The following ARHGEF26 variants were observed in gnomAD, a reference collection of about 807,000 sequenced individuals.
ARHGEF26 encodes Rho guanine nucleotide exchange factor (GEF) 26.
A neutral mutation model predicts 89.4 loss-of-function variants in ARHGEF26; 59 were observed. That is an observed-to-expected ratio of 0.66 (90% CI 0.54 to 0.82). ARHGEF26 has a LOEUF of 0.82. Among genes scored for constraint, ARHGEF26 ranks in the 40% least tolerant of loss-of-function variants. The pLI, the probability that ARHGEF26 is intolerant of heterozygous loss-of-function variation, is 0.00. For synonymous variants in ARHGEF26, 500 were observed against 428.4 expected (o/e 1.17, Z -2.06); for missense variants, 1,234 against 1,085.6 (o/e 1.14, Z -1.92).
intron 3 of ARHGEF26, 67 bp from the exon 4 acceptor site, chr3:154,129,507 T>C (rs1718545210): frequency 6.5e-7 from 1 of 1,531,588 alleles, no homozygotes; most frequent in Non-Finnish European, 8.8e-7. Context: ...ACATATGATG[T>C]TTATTTAGAA....
At chr3:154,213,064 A>G (rs1344046842) in intron 9 of ARHGEF26, among the ~76,000 whole-genome samples, 2 of 152,162 alleles carry the variant, frequency 1.3e-5, no homozygotes, top group African/African-American at 2.4e-5. Flanking sequence ...AGAAAAGTTC[A>G]TGTCCACATC....
intron 6 of ARHGEF26, among the ~76,000 whole-genome samples, chr3:154,176,550 C>T (rs182168281): frequency 9.2e-5 from 14 of 152,204 alleles, no homozygotes; most frequent in East Asian, 7.7e-4. Context: ...TTCGCAATGA[C>T]GCTGCTTCAC....
In ARHGEF26 at chr3:154,127,923, G is replaced by A. The variant is rs74818678; in HGVS notation, c.1124-1651G>A. 6.5e-3 allele frequency among the ~76,000 whole-genome samples: 990 copies of A among 152,196 alleles called. 9 individuals are homozygous for A. The highest frequency in any genetic ancestry group is 0.023 in the African/African-American group (944 of 41,524). ...ATTGATCAAAACAATATTATGCAATGCGTGACTGTATTATGTTTCCTCTTA... is the reference window on the plus strand; with the variant it reads ...ATTGATCAAAACAATATTATGCAATACGTGACTGTATTATGTTTCCTCTTA... On this transcript the variant is annotated intron_variant, in intron 3 of 14. Transcript: ENST00000465093.
chr3:154,182,024 G>A (rs1434932840), intron 6 of ARHGEF26, among the ~76,000 whole-genome samples: 1 of 151,268 alleles, frequency 6.6e-6, no homozygotes, highest in African/African-American at 2.4e-5. Context: ...AGTCTGGGTG[G>A]GTGGGTGGTT....
At chr3:154,210,245 T>C (rs990088241) in intron 9 of ARHGEF26, among the ~76,000 whole-genome samples, 4 of 152,116 alleles carry the variant, frequency 2.6e-5, no homozygotes, top group Admixed American at 2.0e-4. Flanking sequence ...TACCTTCCTG[T>C]GACCATGCTG....
chr3:154,225,738 C>A (rs897949848), intron 10 of ARHGEF26, 118 bp from the exon 11 acceptor site: 2 of 1,090,804 alleles, frequency 1.8e-6, no homozygotes, highest in African/African-American at 1.6e-5. Context: ...GCCTATAAAA[C>A]AATGATGCAT....
chr3:154,255,691 G>A lies in ARHGEF26; in HGVS notation c.*218G>A. The A allele has an allele frequency of 7.3e-7, 1 of 1,370,904 alleles. No homozygotes were observed. The highest frequency in any genetic ancestry group is 9.4e-7 in the Non-Finnish European group (1 of 1,068,162). 84.9% of individuals were successfully genotyped at this position (1,370,904 alleles called of 1,614,324 possible). A position where few individuals can be genotyped will look rare whatever the true frequency, so the allele number is the denominator to read the frequency against. On this transcript the variant is annotated 3_prime_UTR_variant, in exon 15 of 15. Coordinates refer to ENST00000465093, the MANE Select transcript of ARHGEF26 (RefSeq NM_015595.4). ...GTTTTTACCTAACCACACACTTGCA[G>A]ACCTCCTGAGGTACACAGAATAGCT...
At position 154,191,294 on chromosome 3, in the gene ARHGEF26, C is replaced by A. The variant is rs1713939252; in HGVS notation, c.1646C>A (p.Thr549Asn). ...TTTTCTTTGTTTTCCCTCAGAGCTA[C>A]CAATCCATCCTTTAAGGAAGTATTG... ...QQRTLQKLLATNPSFKEVLSR... is the reference protein window; with the variant it reads ...QQRTLQKLLANNPSFKEVLSR... The change falls in exon 8 of 15, where the codon ACC becomes AAC. Residue 549 changes from threonine to asparagine, a missense_variant. By Grantham distance (65) the Thr-to-Asn change is moderately conservative. Coordinates refer to ENST00000465093, the MANE Select transcript of ARHGEF26 (RefSeq NM_015595.4). 6.2e-7 allele frequency: 1 copy of A among 1,609,708 alleles called. No homozygotes were observed. Among genetic ancestry groups the A allele is most frequent in the Non-Finnish European group, 8.5e-7 (1 of 1,178,056 alleles).
chr3:154,255,434 G>C lies in ARHGEF26; in HGVS notation c.2577G>C (p.Glu859Asp). Residue 859 changes from glutamate (E) to aspartate (D), a missense_variant, in exon 15 of 15, where the codon GAG becomes GAC. Physicochemically the swap from Glu to Asp is conservative, Grantham distance 45. Transcript: ENST00000465093. ...TCQATIDKNV[E>D]RMGRLLGLET... Reference sequence around the variant, plus strand: ...AAGCTACAATTGATAAGAATGTGGAGAGAATGGGACGCTTGCTAGGACTGG... The same window carrying C: ...AAGCTACAATTGATAAGAATGTGGACAGAATGGGACGCTTGCTAGGACTGG... 9 of 1,613,886 alleles carry C rather than the reference G, an allele frequency of 5.6e-6. 1 individual carries two copies. The highest frequency in any genetic ancestry group is 2.2e-5 in the South Asian group (2 of 91,074).
intron 3 of ARHGEF26, among the ~76,000 whole-genome samples, chr3:154,128,222 C>T (rs1313876647): frequency 1.3e-5 from 2 of 152,098 alleles, no homozygotes; most frequent in Non-Finnish European, 2.9e-5. Flanking sequence ...CATGATCAGC[C>T]CTCTGGTCAC....
chr3:154,256,538 T>C lies in ARHGEF26; in HGVS notation c.*1065T>C, dbSNP rs1056468700. On this transcript the variant is annotated 3_prime_UTR_variant, in exon 15 of 15. Transcript: ENST00000465093. ...ATGAGCCACCGTGCCCAGCCTACTTTCTAATTAATTAAAAAAAAAAAAAAA... is the reference window on the plus strand; with the variant it reads ...ATGAGCCACCGTGCCCAGCCTACTTCCTAATTAATTAAAAAAAAAAAAAAA... 1.1e-6 allele frequency: 1 copy of C among 950,730 alleles called. No individual in the cohort carries two copies. The highest frequency in any genetic ancestry group is 1.2e-6 in the Non-Finnish European group (1 of 811,674). 58.9% of individuals were successfully genotyped at this position (950,730 alleles called of 1,614,324 possible). A position where few individuals can be genotyped will look rare whatever the true frequency, so the allele number is the denominator to read the frequency against.
chr3:154,194,699 C>T lies in ARHGEF26; in HGVS notation c.1826C>T (p.Ala609Val), dbSNP rs749851646. 3.7e-6 allele frequency: 6 copies of T among 1,612,604 alleles called. No individual in the cohort carries two copies. The highest frequency in any genetic ancestry group is 3.3e-5 in the South Asian group (3 of 90,636). Residue 609 changes from alanine to valine, a missense_variant, in exon 9 of 15, where the codon GCC becomes GTC. By Grantham distance (64) the Ala-to-Val change is moderately conservative (BLOSUM62 0). Coordinates refer to ENST00000465093, the MANE Select transcript of ARHGEF26 (RefSeq NM_015595.4). ...DSPKYEVCKR[A>V]LKEVSKLVRL... ...CCGAAGTATGAAGTCTGCAAAAGAG[C>T]CTTGAAGGAAGTTAGCAAGGTAACT...
At chr3:154,196,120 A>G (rs536919614) in intron 9 of ARHGEF26, among the ~76,000 whole-genome samples, 24 of 152,070 alleles carry the variant, frequency 1.6e-4, no homozygotes, top group Admixed American at 1.4e-3. Context: ...GGGATAGGGA[A>G]CCTGAGCTGA....
chr3:154,151,061 G>C (rs1719990133), intron 5 of ARHGEF26, among the ~76,000 whole-genome samples: 1 of 152,178 alleles, frequency 6.6e-6, no homozygotes, highest in Non-Finnish European at 1.5e-5. Context: ...GATGTAATCA[G>C]AAGTAAGGAG....
intron 6 of ARHGEF26, among the ~76,000 whole-genome samples, chr3:154,162,891 A>G (rs927957909): frequency 6.6e-6 from 1 of 152,182 alleles, no homozygotes; most frequent in Non-Finnish European, 1.5e-5. Context: ...TAATCATACA[A>G]ATGCACTATA....
intron 6 of ARHGEF26, among the ~76,000 whole-genome samples, chr3:154,154,575 T>C (rs1391022901): frequency 4.6e-5 from 1 of 21,600 alleles, no homozygotes; most frequent in Non-Finnish European, 2.4e-4. Context: ...TCTTCCCATA[T>C]AGATACTCTT....
intron 6 of ARHGEF26, among the ~76,000 whole-genome samples, chr3:154,186,953 G>A (rs1265648315): frequency 2.3e-5 from 3 of 130,302 alleles, no homozygotes; most frequent in Non-Finnish European, 4.7e-5. Context: ...GTCCAGTGGC[G>A]TGATCTCGGC....
At chr3:154,243,904 T>C (rs371687106) in intron 12 of ARHGEF26, among the ~76,000 whole-genome samples, 1 of 152,258 alleles carries the variant, frequency 6.6e-6, no homozygotes, top group Admixed American at 6.5e-5. Context: ...TTACATGCCA[T>C]GTTTGCAAAT....
At chr3:154,132,861 TAGTA>T (rs1018090343) in intron 4 of ARHGEF26, among the ~76,000 whole-genome samples, 24 of 152,024 alleles carry the variant, frequency 1.6e-4, no homozygotes, top group Non-Finnish European at 2.6e-4. Context: ...ATAATCAAAA[TAGTA>T]AGGTAGCCCG....
Sources: allele counts gnomAD v4.1 joint callset (sites outside exome capture counted in the v4.1 genomes callset), GRCh38; gene constraint gnomAD v4.1.1; transcripts MANE v1.5; gene names NCBI Gene and HGNC (gene_info 2026-07-23, HGNC 2026-07-21).